FAM135B: variants seen among roughly 807,000 people sequenced by gnomAD.
FAM135B encodes the protein family with sequence similarity 135 member B.
In FAM135B, 43 loss-of-function variants were observed where a neutral mutation model predicts 127.7. The ratio of observed to expected loss-of-function variants is 0.34; its 90% CI spans 0.26 to 0.43. FAM135B has a LOEUF of 0.43. Ranked by LOEUF, FAM135B falls within the 20% of genes least tolerant of loss-of-function variation. The probability of loss-of-function intolerance (pLI) is 1.00; values close to 1 mark genes in which losing one functional copy is unlikely to be tolerated. For synonymous variants in FAM135B, 670 were observed against 665.1 expected, an observed-to-expected ratio of 1.01 and a Z score of -0.11; for missense variants, 1,558 against 1,725.6, an observed-to-expected ratio of 0.90 and a Z score of 1.72.
At chr8:138,401,154 G>A (rs1176214097) in intron 1 of FAM135B, among the ~76,000 whole-genome samples, 6 of 152,136 alleles carry the variant, frequency 3.9e-5, no homozygotes, top group Admixed American at 2.0e-4. Context: ...GGACATGTTA[G>A]GTCAAATGTC....
intron 14 of FAM135B, among the ~76,000 whole-genome samples, chr8:138,147,398 C>G (rs1264901260): frequency 6.6e-6 from 1 of 152,028 alleles, no homozygotes. Context: ...TTAAAATTTT[C>G]TCAGAAAATA....
intron 1 of FAM135B, among the ~76,000 whole-genome samples, chr8:138,452,076 T>C (rs1185291457): frequency 1.3e-5 from 2 of 151,896 alleles, no homozygotes; most frequent in African/African-American, 2.4e-5. Flanking sequence ...ACAATATTAA[T>C]TTTATTATAC....
intron 3 of FAM135B, among the ~76,000 whole-genome samples, chr8:138,294,372 G>A (rs912666446): frequency 1.3e-4 from 20 of 151,920 alleles, no homozygotes; most frequent in Admixed American, 2.6e-4. Flanking sequence ...AAAAACCACC[G>A]TACCCCAAAA....
At chr8:138,419,896 G>T (rs1173138603) in intron 1 of FAM135B, among the ~76,000 whole-genome samples, 5 of 151,910 alleles carry the variant, frequency 3.3e-5, no homozygotes, top group African/African-American at 4.8e-5. Context: ...TTACAGAAAG[G>T]TCTCAAATTA....
intron 3 of FAM135B, chr8:138,308,911 AG>A (rs1826459085): frequency 2.5e-6 from 1 of 394,078 alleles, no homozygotes; most frequent in Non-Finnish European, 5.0e-6. Flanking sequence ...CTCCTCTCCG[AG>A]GCTTTTACCT....
chr8:138,268,921 C>T (rs1396357906), intron 3 of FAM135B, among the ~76,000 whole-genome samples: 1 of 151,326 alleles, frequency 6.6e-6, no homozygotes, highest in African/African-American at 2.4e-5. Flanking sequence ...CCACGCATAA[C>T]AAGAGTTGAA....
chr8:138,403,738 C>T (rs1008653646), intron 1 of FAM135B, among the ~76,000 whole-genome samples: 1 of 151,112 alleles, frequency 6.6e-6, no homozygotes, highest in Admixed American at 6.6e-5. Flanking sequence ...GTTATCTGCC[C>T]ATTCCCCTCC....
Position 138,211,210 on chromosome 8 carries a change from T to C in FAM135B, c.670-13541A>G, listed in dbSNP as rs61195612. On this transcript the variant is annotated intron_variant, in intron 7 of 19. Coordinates refer to ENST00000395297, the MANE Select transcript of FAM135B (RefSeq NM_015912.4). ...ATATTTAATTCTTTAGGAAAGCAGC[T>C]CAAAATAGGTCTGGTTTTTATTTAA... 8.1e-3 allele frequency among the ~76,000 whole-genome samples: 1,234 copies of C among 152,272 alleles called. 14 individuals are homozygous for C. Among genetic ancestry groups the C allele is most frequent in the African/African-American group, 0.028 (1,173 of 41,564 alleles).
intron 3 of FAM135B, among the ~76,000 whole-genome samples, chr8:138,268,002 G>A (rs1364552482): frequency 1.3e-5 from 2 of 152,210 alleles, no homozygotes; most frequent in African/African-American, 4.8e-5. Flanking sequence ...GGCAGCGGGT[G>A]GATGGGGTGA....
chr8:138,168,112 C>A (rs1338323859), intron 11 of FAM135B, 63 bp from the exon 12 acceptor site: 2 of 1,517,140 alleles, frequency 1.3e-6, no homozygotes, highest in Middle Eastern at 4.2e-4. Context: ...ACCGTTGCCC[C>A]CTCTTCCTAA....
rs1250837572 is a variant in FAM135B at position 138,237,010 on chromosome 8, A to C, written c.669+5932T>G. Among the ~76,000 whole-genome samples the C allele has an allele frequency of 2.0e-5, 3 of 152,166 alleles. No individual in the cohort carries two copies. The East Asian group carries it at 5.8e-4, about 29-fold the overall frequency. On this transcript the variant is annotated intron_variant, in intron 7 of 19. Coordinates refer to ENST00000395297, the MANE Select transcript of FAM135B (RefSeq NM_015912.4). The stretch of plus-strand genomic sequence containing the variant: ...TCTGAAGACAAAGAAATCTCCCTAA[A>C]GTCCGTGTCTTCCCACCAGGCTGCC...
At chr8:138,446,563 C>G (rs1403211318) in intron 1 of FAM135B, among the ~76,000 whole-genome samples, 2 of 152,140 alleles carry the variant, frequency 1.3e-5, no homozygotes, top group African/African-American at 4.8e-5. Context: ...GAAAGGATTC[C>G]CTATTTAATA....
At chr8:138,362,656 G>C (rs751304049) in intron 2 of FAM135B, among the ~76,000 whole-genome samples, 1 of 152,260 alleles carries the variant, frequency 6.6e-6, no homozygotes, top group South Asian at 2.1e-4. Context: ...GGGACGTTTC[G>C]AGGATAAATT....
At chr8:138,440,110 G>C (rs1835677077) in intron 1 of FAM135B, 2 of 152,192 alleles carry the variant, frequency 1.3e-5, no homozygotes, top group South Asian at 2.1e-4. Context: ...AAGCTCACCA[G>C]GTTCCCACCA....
chr8:138,287,559 C>G (rs756066302), intron 3 of FAM135B, among the ~76,000 whole-genome samples: 1 of 150,268 alleles, frequency 6.7e-6, no homozygotes, highest in Non-Finnish European at 1.5e-5. Context: ...GAGGCATGGA[C>G]AGAAATGGTT....
At chr8:138,255,595 T>A (rs142072816) in intron 5 of FAM135B, among the ~76,000 whole-genome samples, 1 of 152,270 alleles carries the variant, frequency 6.6e-6, no homozygotes, top group Non-Finnish European at 1.5e-5. Context: ...AGGGTTAAAG[T>A]GTCTGTGTCC....
chr8:138,477,609 C>A (rs1438307338), intron 1 of FAM135B, among the ~76,000 whole-genome samples: 1 of 152,178 alleles, frequency 6.6e-6, no homozygotes, highest in Non-Finnish European at 1.5e-5. Flanking sequence ...GCAGGCACTA[C>A]TAGTTTCTTA....
intron 3 of FAM135B, among the ~76,000 whole-genome samples, chr8:138,280,557 G>A (rs771022831): frequency 2.0e-5 from 3 of 152,130 alleles, no homozygotes; most frequent in East Asian, 1.9e-4. Flanking sequence ...GCTATTATGC[G>A]GCTGTTTATT....
intron 7 of FAM135B, among the ~76,000 whole-genome samples, chr8:138,221,946 A>G (rs1332654160): frequency 6.6e-6 from 1 of 152,240 alleles, no homozygotes; most frequent in South Asian, 2.1e-4. Flanking sequence ...AGGCATACAA[A>G]TAAGCAGGGA....
Sources: allele counts gnomAD v4.1 joint callset (sites outside exome capture counted in the v4.1 genomes callset), GRCh38; gene constraint gnomAD v4.1.1; transcripts MANE v1.5; gene names NCBI Gene and HGNC (gene_info 2026-07-23, HGNC 2026-07-21).